The following LRP1B variants were observed in gnomAD, a reference collection of about 807,000 sequenced individuals.
LRP1B encodes low-density lipoprotein receptor-related protein 1B.
A neutral mutation model predicts 556.6 loss-of-function variants in LRP1B; 217 were observed. That is an observed-to-expected ratio of 0.39 (90% CI 0.35 to 0.44). The LOEUF is 0.44. LRP1B is among the 20% of genes least tolerant of loss of function. LRP1B has a pLI of 1.00. For synonymous variants in LRP1B, 2,047 were observed against 1,865.8 expected (o/e 1.10, Z -2.50); for missense variants, 5,053 against 5,620.8 (o/e 0.90, Z 3.23).
intron 7 of LRP1B, among the ~76,000 whole-genome samples, chr2:141,175,833 A>C (rs908600253): frequency 6.6e-6 from 1 of 152,142 alleles, no homozygotes; most frequent in Non-Finnish European, 1.5e-5. Context: ...CATGAAAGCA[A>C]CTGTGGGGCT....
chr2:142,107,793 A>T (rs77581902), intron 1 of LRP1B, among the ~76,000 whole-genome samples: 1 of 89,052 alleles, frequency 1.1e-5, no homozygotes, highest in Non-Finnish European at 2.3e-5. Context: ...ACGCCTAGCT[A>T]ATTTTTTTTT....
intron 29 of LRP1B, among the ~76,000 whole-genome samples, chr2:140,843,069 TTTTTTTTTTTTGTTTG>T (rs1692162867): frequency 5.6e-5 from 1 of 18,006 alleles, no homozygotes; most frequent in Admixed American, 4.7e-4. Context: ...TTTTTTTTGT[TTTTTTTTTTTTGTTTG>T]TTTTTTTTTT....
intron 2 of LRP1B, among the ~76,000 whole-genome samples, chr2:141,767,205 A>C (rs1240085423): frequency 6.6e-6 from 1 of 152,104 alleles, no homozygotes; most frequent in Non-Finnish European, 1.5e-5. Flanking sequence ...GGGGGAATCC[A>C]TGTCTTCATC....
intron 86 of LRP1B, among the ~76,000 whole-genome samples, chr2:140,255,320 G>C (rs1386170979): frequency 6.6e-6 from 1 of 152,050 alleles, no homozygotes; most frequent in Non-Finnish European, 1.5e-5. Context: ...TGATTCAGGA[G>C]GTAGAGACAA....
At chr2:141,585,755 C>G (rs1687114955) in intron 2 of LRP1B, among the ~76,000 whole-genome samples, 1 of 152,100 alleles carries the variant, frequency 6.6e-6, no homozygotes, top group Non-Finnish European at 1.5e-5. Context: ...TTACCCACTC[C>G]AATATTTAGA....
chr2:141,870,289 T>C (rs565395888), intron 1 of LRP1B, among the ~76,000 whole-genome samples: 1 of 152,078 alleles, frequency 6.6e-6, no homozygotes, highest in South Asian at 2.1e-4. Flanking sequence ...CTCTGATGAC[T>C]TCAGCCTGAT....
chr2:141,726,847 C>T (rs1305600924), intron 2 of LRP1B, among the ~76,000 whole-genome samples: 5 of 152,050 alleles, frequency 3.3e-5, no homozygotes, highest in Admixed American at 3.3e-4. Flanking sequence ...ATGCAATCTG[C>T]TGCCTGACAA....
rs897413235 is a variant in LRP1B, at chr2:140,598,784, A to G, written c.7041T>C (p.Ser2347=). ...WNEQHPSIMR[S]TLTGKNAQVV... ...CTTGAGCATTTTTCCCAGTCAGAGT[A>G]GATCTCATGATACTTGGATGTTGTT... Residue 2347 remains serine, a synonymous_variant, in exon 43 of 91, where the codon TCT becomes TCC. Coordinates refer to ENST00000389484, the MANE Select transcript of LRP1B (RefSeq NM_018557.3). 6.2e-7 allele frequency: 1 copy of G among 1,612,206 alleles called. No individual in the cohort carries two copies. The highest frequency in any genetic ancestry group is 1.7e-5 in the Admixed American group (1 of 59,986).
intron 3 of LRP1B, among the ~76,000 whole-genome samples, chr2:141,422,426 T>C (rs1255940051): frequency 6.6e-6 from 1 of 152,208 alleles, no homozygotes; most frequent in Non-Finnish European, 1.5e-5. Flanking sequence ...TGTTTTTCTG[T>C]CTTTAAATCT....
intron 11 of LRP1B, among the ~76,000 whole-genome samples, chr2:141,020,325 T>C (rs533870797): frequency 2.6e-5 from 4 of 152,058 alleles, no homozygotes; most frequent in African/African-American, 4.8e-5. Context: ...CTCTCTCAAT[T>C]GTACACAGTG....
rs552994973 is a variant in LRP1B, at chr2:141,188,781, C to T, written c.851-198G>A. On this transcript the variant is annotated intron_variant, in intron 6 of 90. Coordinates refer to ENST00000389484, the MANE Select transcript of LRP1B (RefSeq NM_018557.3). Reference sequence around the variant, plus strand: ...GTAAAATAATTATCTTGGTGCCTTTCTTCTTGCTATCTGAAGACTGAAGAC... The same window carrying T: ...GTAAAATAATTATCTTGGTGCCTTTTTTCTTGCTATCTGAAGACTGAAGAC... 2.0e-5 allele frequency among the ~76,000 whole-genome samples: 3 copies of T among 151,932 alleles called. No homozygotes were observed. The South Asian group carries it at 6.2e-4, about 31-fold the overall frequency.
At chr2:140,290,391 G>A (rs1311929558) in intron 84 of LRP1B, among the ~76,000 whole-genome samples, 3 of 152,064 alleles carry the variant, frequency 2.0e-5, no homozygotes, top group African/African-American at 7.2e-5. Context: ...GACAAGGGAT[G>A]ATAAGAACCT....
chr2:140,965,896 T>TTTA (rs1553438425), intron 18 of LRP1B, among the ~76,000 whole-genome samples: 1 of 150,006 alleles, frequency 6.7e-6, no homozygotes, highest in African/African-American at 2.4e-5. Flanking sequence ...ATCCTTTTTT[T>TTTA]ATGGCTGCAT....
intron 63 of LRP1B, among the ~76,000 whole-genome samples, chr2:140,446,942 C>T (rs1486225358): frequency 6.6e-6 from 1 of 150,994 alleles, no homozygotes; most frequent in Admixed American, 6.6e-5. Flanking sequence ...GGGTTAAAAT[C>T]CAAAATATAT....
At chr2:140,809,806 G>T (rs981483213) in intron 32 of LRP1B, among the ~76,000 whole-genome samples, 1 of 152,094 alleles carries the variant, frequency 6.6e-6, no homozygotes, top group Admixed American at 6.6e-5. Flanking sequence ...AATCTTGACT[G>T]CCTTTCTTCC....
chr2:141,115,458 G>GGTT (rs764976112), intron 7 of LRP1B, among the ~76,000 whole-genome samples: 3 of 120,430 alleles, frequency 2.5e-5, no homozygotes, highest in Non-Finnish European at 3.3e-5. Flanking sequence ...TTTTGTTTTT[G>GGTT]TTTTTTTTTT....
chr2:141,170,991 C>A (rs1260768441), intron 7 of LRP1B, among the ~76,000 whole-genome samples: 1 of 151,904 alleles, frequency 6.6e-6, no homozygotes, highest in African/African-American at 2.4e-5. Flanking sequence ...TTTTTCCCTT[C>A]CTTAAAAAAT....
intron 83 of LRP1B, among the ~76,000 whole-genome samples, chr2:140,312,264 T>C (rs576026081): frequency 3.8e-4 from 57 of 151,974 alleles, no homozygotes; most frequent in Non-Finnish European, 1.9e-4. Flanking sequence ...CAAAGTAACA[T>C]CTACTTCCCC....
chr2:141,513,897 G>T (rs780190934), intron 2 of LRP1B, among the ~76,000 whole-genome samples: 5 of 152,028 alleles, frequency 3.3e-5, no homozygotes, highest in Non-Finnish European at 7.4e-5. Context: ...CCCAAAAAAT[G>T]GTCATCAGTT....
Sources: gnomAD v4.1 joint callset for allele counts (sites outside exome capture counted in the v4.1 genomes callset) on GRCh38, gnomAD v4.1.1 for gene constraint, MANE v1.5 for transcripts, NCBI Gene and HGNC (gene_info 2026-07-23, HGNC 2026-07-21) for gene names.